EGFLAM: variants seen among roughly 807,000 people sequenced by gnomAD.
EGFLAM encodes EGF like, fibronectin type III and laminin G domains, also known as pikachurin.
EGFLAM carries 79 observed loss-of-function variants against 113.1 expected under a neutral mutation model. The observed-to-expected ratio is 0.70, with a 90% CI of 0.58 to 0.84. The LOEUF (loss-of-function observed/expected upper bound fraction) is 0.84, where lower values mean the gene tolerates loss of function less well. Among genes scored for constraint, EGFLAM ranks in the 40% least tolerant of loss-of-function variants. The probability of loss-of-function intolerance (pLI) is 0.00; values close to 1 mark genes in which losing one functional copy is unlikely to be tolerated. For synonymous variants in EGFLAM, 504 were observed against 487.6 expected, an observed-to-expected ratio of 1.03 and a Z score of -0.44; for missense variants, 1,265 against 1,291.6, an observed-to-expected ratio of 0.98 and a Z score of 0.32.
intron 5 of EGFLAM, among the ~76,000 whole-genome samples, chr5:38,357,594 G>T (rs1440334272): frequency 6.6e-6 from 1 of 152,128 alleles, no homozygotes; most frequent in East Asian, 1.9e-4. Flanking sequence ...TTCTGTGTGA[G>T]CCAAAAGGTC....
chr5:38,384,658 G>C (rs1194434925), intron 6 of EGFLAM, among the ~76,000 whole-genome samples: 1 of 152,200 alleles, frequency 6.6e-6, no homozygotes, highest in Non-Finnish European at 1.5e-5. Context: ...TCTGTGCAGT[G>C]ACAGAGTGGC....
chr5:38,301,554 G>T (rs186300290), intron 1 of EGFLAM, among the ~76,000 whole-genome samples: 2 of 152,268 alleles, frequency 1.3e-5, no homozygotes, highest in East Asian at 3.9e-4. Context: ...GTAGTTGCCT[G>T]GAGAAACAGG....
Position 38,425,108 on chromosome 5 carries a change from G to T in EGFLAM, c.1810+16G>T. ...TGTGAAGATGGTGAGAAAGAAGCAA[G>T]TTGAAGGCGGTTTCTATCTGCATGT... is the stretch of plus-strand genomic sequence containing the variant. On this transcript the variant is annotated intron_variant, in intron 13 of 21. Coordinates refer to ENST00000322350, the MANE Select transcript of EGFLAM (RefSeq NM_152403.4). 1 of 1,610,640 alleles carries T rather than the reference G, an allele frequency of 6.2e-7. No homozygotes were observed. The highest frequency in any genetic ancestry group is 8.5e-7 in the Non-Finnish European group (1 of 1,177,750).
chr5:38,349,766 T>TACACACACACACAC (rs748306970), intron 3 of EGFLAM, among the ~76,000 whole-genome samples: 1 of 107,566 alleles, frequency 9.3e-6, no homozygotes, highest in Admixed American at 1.0e-4. Context: ...GCAGGGGAAG[T>TACACACACACACAC]ACACACGCAC....
intron 1 of EGFLAM, among the ~76,000 whole-genome samples, chr5:38,296,669 A>G (rs2111811512): frequency 6.6e-6 from 1 of 150,824 alleles, no homozygotes; most frequent in South Asian, 2.1e-4. Flanking sequence ...AAATATATTT[A>G]TTAATTATAA....
intron 6 of EGFLAM, among the ~76,000 whole-genome samples, chr5:38,384,712 TG>T (rs1292539393): frequency 6.6e-6 from 1 of 152,138 alleles, no homozygotes; most frequent in Non-Finnish European, 1.5e-5. Flanking sequence ...TAAGAAAGTT[TG>T]GGGATCTGTA....
intron 5 of EGFLAM, among the ~76,000 whole-genome samples, chr5:38,356,529 T>A (rs1356184193): frequency 1.3e-5 from 2 of 152,166 alleles, no homozygotes; most frequent in Non-Finnish European, 2.9e-5. Flanking sequence ...AGAATAAAAT[T>A]AGAACCGAAT....
At chr5:38,264,400 G>A (rs140664510) in intron 1 of EGFLAM, among the ~76,000 whole-genome samples, 5 of 152,298 alleles carry the variant, frequency 3.3e-5, no homozygotes, top group African/African-American at 1.2e-4. Context: ...AAATAAAGAT[G>A]TAAGGAAAGT....
intron 6 of EGFLAM, among the ~76,000 whole-genome samples, chr5:38,376,819 T>C (rs1377783001): frequency 6.6e-6 from 1 of 152,044 alleles, no homozygotes; most frequent in Non-Finnish European, 1.5e-5. Flanking sequence ...TATAGGCACA[T>C]ACCATCACGC....
intron 11 of EGFLAM, among the ~76,000 whole-genome samples, chr5:38,413,617 G>A (rs1420899377): frequency 1.3e-5 from 2 of 152,174 alleles, no homozygotes; most frequent in African/African-American, 2.4e-5. Context: ...CCAGGGAACT[G>A]AGCCTATAAT....
chr5:38,451,146 C>A (rs1381278070), intron 18 of EGFLAM, among the ~76,000 whole-genome samples, 169 bp from the exon 19 acceptor site: 1 of 152,176 alleles, frequency 6.6e-6, no homozygotes, highest in Non-Finnish European at 1.5e-5. Flanking sequence ...GCTGAGTGAG[C>A]AGTCCAGACC....
rs573577983 is a variant in EGFLAM, at chr5:38,443,812, C to T, written c.2465-4489C>T. Among the ~76,000 whole-genome samples the T allele has an allele frequency of 4.6e-5, 7 of 151,622 alleles. No individual in the cohort carries two copies. The East Asian group carries it at 1.4e-3, about 29-fold the overall frequency. ...TGAGATGGAGTCTAACTCTGTCACC[C>T]CAGGCTGGAGTGCAGTGGCGTGATC... is the stretch of plus-strand genomic sequence containing the variant. On this transcript the variant is annotated intron_variant, in intron 17 of 21. Transcript: ENST00000322350.
chr5:38,445,786 G>A (rs550578799), intron 17 of EGFLAM: 37 of 1,430,842 alleles, frequency 2.6e-5, no homozygotes, highest in Non-Finnish European at 3.2e-5. Flanking sequence ...CCCGGGGTGA[G>A]TGGTGTGGGA....
intron 20 of EGFLAM, 59 bp downstream of exon 20, chr5:38,458,453 T>A: frequency 6.5e-7 from 1 of 1,546,362 alleles, no homozygotes. Flanking sequence ...GGATGTGGTG[T>A]CCAGTTCCCT....
intron 6 of EGFLAM, among the ~76,000 whole-genome samples, chr5:38,387,636 A>C (rs1227097964): frequency 6.6e-6 from 1 of 152,232 alleles, no homozygotes; most frequent in Non-Finnish European, 1.5e-5. Flanking sequence ...ATGGAGAATG[A>C]CTTTGCGATG....
At chr5:38,433,386 T>G (rs560669078) in intron 15 of EGFLAM, among the ~76,000 whole-genome samples, 1 of 152,312 alleles carries the variant, frequency 6.6e-6, no homozygotes, top group South Asian at 2.1e-4. Flanking sequence ...GCCTGGAAGT[T>G]TGCTCAGCTT....
chr5:38,433,451 C>G (rs1223332578), intron 15 of EGFLAM, among the ~76,000 whole-genome samples: 1 of 152,230 alleles, frequency 6.6e-6, no homozygotes, highest in Non-Finnish European at 1.5e-5. Context: ...AAACCCCTCA[C>G]TGCAGAGCAG....
chr5:38,267,154 A>G (rs1294247659), intron 1 of EGFLAM, among the ~76,000 whole-genome samples: 1 of 152,210 alleles, frequency 6.6e-6, no homozygotes, highest in African/African-American at 2.4e-5. Flanking sequence ...ATCTAAAGAC[A>G]CTTGACAATT....
chr5:38,401,569 G>A (rs889296962), intron 6 of EGFLAM, among the ~76,000 whole-genome samples: 1 of 152,122 alleles, frequency 6.6e-6, no homozygotes, highest in Non-Finnish European at 1.5e-5. Flanking sequence ...GCAGTTTTCG[G>A]GGTCTTTGGA....
Sources: allele counts gnomAD v4.1 joint callset (sites outside exome capture counted in the v4.1 genomes callset), GRCh38; gene constraint gnomAD v4.1.1; transcripts MANE v1.5; gene names NCBI Gene and HGNC (gene_info 2026-07-23, HGNC 2026-07-21).